PARD3: variants seen among roughly 807,000 people sequenced by gnomAD.
PARD3 encodes the protein par-3 family cell polarity regulator.
PARD3 carries 75 observed loss-of-function variants against 155.4 expected under a neutral mutation model. The ratio of observed to expected loss-of-function variants is 0.48; its 90% CI spans 0.40 to 0.58. PARD3 has a LOEUF of 0.58. Ranked by LOEUF, PARD3 falls within the 20% of genes least tolerant of loss-of-function variation. The pLI, the probability that PARD3 is intolerant of heterozygous loss-of-function variation, is 0.00. For missense variants in PARD3, 1,642 were observed against 1,721.7 expected (o/e 0.95, Z 0.82); for synonymous variants, 576 against 610.5 (o/e 0.94, Z 0.83).
intron 4 of PARD3, among the ~76,000 whole-genome samples, chr10:34,461,134 A>T (rs925149575): frequency 6.6e-6 from 1 of 152,226 alleles, no homozygotes; most frequent in Admixed American, 6.5e-5. Flanking sequence ...AATATATGCA[A>T]AATTAAAAGA....
chr10:34,291,561 C>T (rs1193490351), intron 20 of PARD3, among the ~76,000 whole-genome samples: 1 of 152,168 alleles, frequency 6.6e-6, no homozygotes, highest in Non-Finnish European at 1.5e-5. Flanking sequence ...CATCCTCATG[C>T]TTAGGGGAAA....
At chr10:34,753,686 C>A (rs1836341038) in intron 1 of PARD3, among the ~76,000 whole-genome samples, 1 of 152,182 alleles carries the variant, frequency 6.6e-6, no homozygotes, top group African/African-American at 2.4e-5. Context: ...TCTGGACATG[C>A]ATATGTTTGA....
intron 1 of PARD3, among the ~76,000 whole-genome samples, chr10:34,710,372 C>T (rs6481909): frequency 0.56 from 85,834 of 151,974 alleles, 25,454 homozygotes; most frequent in Non-Finnish European, 0.66. Context: ...TAAATATATA[C>T]GTGCAGTTTT....
intron 3 of PARD3, among the ~76,000 whole-genome samples, chr10:34,504,429 T>TAAA (rs57691806): frequency 2.7e-4 from 36 of 132,652 alleles, no homozygotes; most frequent in African/African-American, 6.7e-4. Context: ...TCCCCAAGAT[T>TAAA]AAAAAAAAAA....
intron 5 of PARD3, among the ~76,000 whole-genome samples, chr10:34,406,439 G>A (rs1844483101): frequency 6.6e-6 from 1 of 152,200 alleles, no homozygotes; most frequent in African/African-American, 2.4e-5. Flanking sequence ...GTTTAAGGAA[G>A]CAGAAACCAG....
rs368495812 is a variant in PARD3 at position 34,188,449 on chromosome 10, T to G, written c.3420-56866A>C. ...ATGATCCAGGATAACATGCAGAGTC[T>G]AAGGAATGCACTTCTGATGACAAAA... On this transcript the variant is annotated intron_variant, in intron 22 of 24. Coordinates refer to ENST00000374788, the MANE Select transcript of PARD3 (RefSeq NM_001184785.2). 3.2e-4 allele frequency among the ~76,000 whole-genome samples: 49 copies of G among 152,208 alleles called. 2 individuals carry two copies. The highest frequency in any genetic ancestry group is 1.2e-3 in the African/African-American group (48 of 41,516).
At chr10:34,482,052 T>TTG (rs2079119324) in intron 3 of PARD3, among the ~76,000 whole-genome samples, 2 of 146,952 alleles carry the variant, frequency 1.4e-5, no homozygotes, top group Admixed American at 6.8e-5. Flanking sequence ...TTTTTTTTTT[T>TTG]GAAGCAGCAT....
At chr10:34,743,484 A>C (rs2095054644) in intron 1 of PARD3, among the ~76,000 whole-genome samples, 1 of 152,212 alleles carries the variant, frequency 6.6e-6, no homozygotes, top group African/African-American at 2.4e-5. Context: ...CACACAGAAG[A>C]CCACATCTCA....
chr10:34,434,175 A>G (rs1030739896), intron 5 of PARD3, among the ~76,000 whole-genome samples: 1 of 152,194 alleles, frequency 6.6e-6, no homozygotes, highest in Non-Finnish European at 1.5e-5. Flanking sequence ...CCAGAGATGC[A>G]AGAACAGGGT....
intron 3 of PARD3, among the ~76,000 whole-genome samples, chr10:34,472,772 C>G (rs1487201241): frequency 6.6e-6 from 1 of 152,152 alleles, no homozygotes; most frequent in Non-Finnish European, 1.5e-5. Flanking sequence ...AAAGTATATT[C>G]TAACCCCCCA....
intron 1 of PARD3, among the ~76,000 whole-genome samples, chr10:34,737,643 C>T (rs970879366): frequency 1.1e-4 from 16 of 152,130 alleles, no homozygotes; most frequent in Non-Finnish European, 1.9e-4. Flanking sequence ...AAAGGGCCCT[C>T]GGCTCCCCCA....
At chr10:34,389,910 A>G (rs1435998310) in intron 7 of PARD3, among the ~76,000 whole-genome samples, 1 of 152,210 alleles carries the variant, frequency 6.6e-6, no homozygotes, top group Non-Finnish European at 1.5e-5. Flanking sequence ...CCTTTAGATT[A>G]CAGCAGAAAT....
At chr10:34,308,405 C>CTTT (rs1185423338) in intron 20 of PARD3, among the ~76,000 whole-genome samples, 1 of 152,096 alleles carries the variant, frequency 6.6e-6, no homozygotes, top group Non-Finnish European at 1.5e-5. Context: ...GCACTGGGGG[C>CTTT]TGAAAAGTAG....
At chr10:34,165,216 C>T (rs1229221665) in intron 22 of PARD3, among the ~76,000 whole-genome samples, 1 of 152,172 alleles carries the variant, frequency 6.6e-6, no homozygotes, top group Non-Finnish European at 1.5e-5. Context: ...CTAGGTCTCA[C>T]CCAGTTTTCT....
At chr10:34,185,859 G>C (rs559196197) in intron 22 of PARD3, among the ~76,000 whole-genome samples, 1 of 123,918 alleles carries the variant, frequency 8.1e-6, no homozygotes, top group South Asian at 2.5e-4. Flanking sequence ...TATTATATTT[G>C]CATAGGAATA....
At chr10:34,802,165 A>G (rs904832799) in intron 1 of PARD3, among the ~76,000 whole-genome samples, 2 of 152,178 alleles carry the variant, frequency 1.3e-5, no homozygotes, top group African/African-American at 2.4e-5. Flanking sequence ...ACAGCTAGAC[A>G]AACACAATTC....
At chr10:34,705,416 A>G (rs547964076) in intron 1 of PARD3, among the ~76,000 whole-genome samples, 2 of 151,368 alleles carry the variant, frequency 1.3e-5, no homozygotes, top group South Asian at 4.2e-4. Flanking sequence ...TGAGCCCGGG[A>G]GGTGGACAAT....
At chr10:34,154,151 A>G (rs527593460) in intron 22 of PARD3, among the ~76,000 whole-genome samples, 22 of 152,176 alleles carry the variant, frequency 1.4e-4, no homozygotes, top group Non-Finnish European at 1.6e-4. Flanking sequence ...ATTGCAGTTT[A>G]ATGTTCTCAC....
intron 1 of PARD3, among the ~76,000 whole-genome samples, chr10:34,781,279 C>T (rs1840209388): frequency 6.6e-6 from 1 of 152,254 alleles, no homozygotes; most frequent in South Asian, 2.1e-4. Flanking sequence ...TGCGGTATTT[C>T]ACTTGCCCCT....
Sources: gnomAD v4.1 joint callset for allele counts (sites outside exome capture counted in the v4.1 genomes callset) on GRCh38, gnomAD v4.1.1 for gene constraint, MANE v1.5 for transcripts, NCBI Gene and HGNC (gene_info 2026-07-23, HGNC 2026-07-21) for gene names.